DCC: variants seen among roughly 807,000 people sequenced by gnomAD.
DCC encodes the protein DCC netrin 1 receptor.
A neutral mutation model predicts 172.5 loss-of-function variants in DCC; 58 were observed. The observed-to-expected ratio is 0.34, with a 90% CI of 0.27 to 0.42. The LOEUF (loss-of-function observed/expected upper bound fraction) is 0.42. DCC is among the 10% of genes least tolerant of loss of function. DCC has a pLI of 1.00. For synonymous variants in DCC, 709 were observed against 644.5 expected (o/e 1.10, Z -1.52); for missense variants, 1,740 against 1,791.0 (o/e 0.97, Z 0.51).
intron 22 of DCC, among the ~76,000 whole-genome samples, chr18:53,447,412 G>A (rs1489302388): frequency 6.6e-6 from 1 of 152,148 alleles, no homozygotes; most frequent in Non-Finnish European, 1.5e-5. Flanking sequence ...TCAAAGATTT[G>A]TAATGGGAGT....
rs192808412 is a variant in DCC at position 53,385,551 on chromosome 18, C to A, written c.2360-492C>A. On this transcript the variant is annotated intron_variant, in intron 15 of 28. Transcript: ENST00000442544. Reference sequence around the variant, plus strand: ...GGTTGTCCCCAGTTTGGGCCCAGTGCTAGAGAGGAGACTTTGCAGGTCAGT... The same window carrying A: ...GGTTGTCCCCAGTTTGGGCCCAGTGATAGAGAGGAGACTTTGCAGGTCAGT... Among the ~76,000 whole-genome samples the A allele has an allele frequency of 1.6e-4, 25 of 152,252 alleles. No individual in the cohort carries two copies. In the South Asian group the frequency reaches 1.7e-3, roughly 10 times the overall value.
At chr18:52,544,616 A>G (rs1033649586) in intron 1 of DCC, among the ~76,000 whole-genome samples, 13 of 152,152 alleles carry the variant, frequency 8.5e-5, no homozygotes, top group Middle Eastern at 3.4e-3. Flanking sequence ...CTGCTATTCC[A>G]TGCATGTCAA....
At chr18:53,255,486 T>G (rs1002901571) in intron 12 of DCC, among the ~76,000 whole-genome samples, 1 of 151,078 alleles carries the variant, frequency 6.6e-6, no homozygotes, top group Non-Finnish European at 1.5e-5. Context: ...TGTCTTGCGA[T>G]AGTTTGCTTA....
chr18:53,479,948 G>C (rs1047233953), intron 25 of DCC, among the ~76,000 whole-genome samples: 32 of 152,102 alleles, frequency 2.1e-4, no homozygotes, highest in Non-Finnish European at 5.9e-5. Flanking sequence ...ACAATTTGTT[G>C]TGGAAATCTT....
intron 2 of DCC, among the ~76,000 whole-genome samples, chr18:52,803,953 A>G (rs1011509845): frequency 6.6e-6 from 1 of 152,174 alleles, no homozygotes; most frequent in African/African-American, 2.4e-5. Context: ...ATGCAGCACC[A>G]GATGGGCCAG....
intron 12 of DCC, among the ~76,000 whole-genome samples, chr18:53,221,282 C>T (rs905836243): frequency 1.3e-5 from 2 of 152,044 alleles, no homozygotes; most frequent in African/African-American, 2.4e-5. Flanking sequence ...TATTTTCCAT[C>T]TTCCCAAACT....
At chr18:53,089,288 G>A (rs188153355) in intron 7 of DCC, among the ~76,000 whole-genome samples, 2 of 152,060 alleles carry the variant, frequency 1.3e-5, no homozygotes, top group African/African-American at 4.8e-5. Flanking sequence ...GTTTCACCTT[G>A]TTGGCCAGGC....
intron 2 of DCC, among the ~76,000 whole-genome samples, chr18:52,864,766 G>A (rs1444328606): frequency 6.6e-6 from 1 of 151,924 alleles, no homozygotes; most frequent in Non-Finnish European, 1.5e-5. Context: ...TTATGAGTGA[G>A]AACATGTGGT....
intron 7 of DCC, among the ~76,000 whole-genome samples, chr18:53,093,893 G>C (rs2043048250): frequency 6.6e-6 from 1 of 152,154 alleles, no homozygotes; most frequent in Non-Finnish European, 1.5e-5. Context: ...CCCCTCGCCA[G>C]ATGAAAGAGT....
At chr18:53,337,195 A>G (rs2057601457) in intron 14 of DCC, among the ~76,000 whole-genome samples, 1 of 152,258 alleles carries the variant, frequency 6.6e-6, no homozygotes, top group Non-Finnish European at 1.5e-5. Flanking sequence ...TTAACAGTTG[A>G]ACAGTTTTTC....
intron 1 of DCC, among the ~76,000 whole-genome samples, chr18:52,560,872 C>T (rs887815942): frequency 2.0e-5 from 3 of 152,054 alleles, no homozygotes; most frequent in African/African-American, 7.2e-5. Flanking sequence ...GTAATATAAA[C>T]ATTTTTTGAA....
intron 7 of DCC, among the ~76,000 whole-genome samples, chr18:53,105,050 A>G (rs147601334): frequency 2.9e-4 from 44 of 152,108 alleles, no homozygotes; most frequent in African/African-American, 1.0e-3. Flanking sequence ...TTTTAATACT[A>G]CTGGAAATGG....
chr18:52,584,994 T>C (rs1345110366), intron 1 of DCC, among the ~76,000 whole-genome samples: 2 of 152,218 alleles, frequency 1.3e-5, no homozygotes, highest in East Asian at 3.8e-4. Context: ...AGAACTTCAT[T>C]GGAGAGTAGG....
intron 5 of DCC, among the ~76,000 whole-genome samples, chr18:53,032,718 T>C (rs1234147974): frequency 6.6e-6 from 1 of 152,154 alleles, no homozygotes; most frequent in Non-Finnish European, 1.5e-5. Context: ...TACTCTGAGC[T>C]ACTGTGAGAG....
chr18:52,781,998 G>A (rs1037141788), intron 2 of DCC, among the ~76,000 whole-genome samples: 3 of 152,036 alleles, frequency 2.0e-5, no homozygotes, highest in Non-Finnish European at 2.9e-5. Context: ...AAGAATGTAT[G>A]ACTTTTTTAA....
At chr18:52,755,394 A>C (rs1294577220) in intron 2 of DCC, among the ~76,000 whole-genome samples, 1 of 152,244 alleles carries the variant, frequency 6.6e-6, no homozygotes, top group Admixed American at 6.5e-5. Flanking sequence ...TGAGATATTA[A>C]AATACAGTGG....
chr18:52,565,869 T>G (rs1330887271), intron 1 of DCC, among the ~76,000 whole-genome samples: 1 of 152,190 alleles, frequency 6.6e-6, no homozygotes, highest in Non-Finnish European at 1.5e-5. Flanking sequence ...ATTTTGGCTT[T>G]TGTTGCCATT....
intron 7 of DCC, among the ~76,000 whole-genome samples, chr18:53,078,028 G>C (rs1159571175): frequency 6.6e-6 from 1 of 152,114 alleles, no homozygotes; most frequent in East Asian, 1.9e-4. Flanking sequence ...TTAACAAAGA[G>C]TAAATTCGAT....
At chr18:52,904,094 C>T (rs1258434856) in intron 2 of DCC, among the ~76,000 whole-genome samples, 3 of 152,092 alleles carry the variant, frequency 2.0e-5, no homozygotes, top group African/African-American at 4.8e-5. Context: ...CCAGGCATCC[C>T]CATGGATCCA....
Sources: allele counts gnomAD v4.1 joint callset (sites outside exome capture counted in the v4.1 genomes callset), GRCh38; gene constraint gnomAD v4.1.1; transcripts MANE v1.5; gene names NCBI Gene and HGNC (gene_info 2026-07-23, HGNC 2026-07-21).